RNASE7: variants seen among roughly 807,000 people sequenced by gnomAD.
RNASE7 encodes ribonuclease A family member 7, also known as ribonuclease 7.
For missense variants in RNASE7, 184 were observed against 191.5 expected (o/e 0.96, Z 0.23); for synonymous variants, 80 against 77.5 (o/e 1.03, Z -0.17).
At position 21,043,472 on chromosome 14, in the gene RNASE7, A is replaced by T. The variant is rs1885006591; in HGVS notation, c.*9A>T. 6.4e-7 allele frequency: 1 copy of T among 1,565,078 alleles called. No individual in the cohort carries two copies. Among genetic ancestry groups the T allele is most frequent in the Non-Finnish European group, 8.6e-7 (1 of 1,156,858 alleles). ...TGGACAGAGTCCTTTAGGTTTCCAG[A>T]CTGGCTTGCTCTTTGGCTGACCTTC... On this transcript the variant is annotated 3_prime_UTR_variant, in exon 2 of 2. Transcript: ENST00000298690.
intron 1 of RNASE7, among the ~76,000 whole-genome samples, 167 bp downstream of exon 1, chr14:21,042,609 G>C (rs1287678805): frequency 6.6e-6 from 1 of 151,896 alleles, no homozygotes; most frequent in Non-Finnish European, 1.5e-5. Context: ...TGGGGATGGA[G>C]GCAAAAAATG....
chr14:21,042,961 G>A lies in RNASE7; in HGVS notation c.-32G>A, dbSNP rs1474478301. 2.5e-6 allele frequency: 4 copies of A among 1,586,420 alleles called. No homozygotes were observed. Among genetic ancestry groups the A allele is most frequent in the Admixed American group, 1.7e-5 (1 of 57,918 alleles). On this transcript the variant is annotated 5_prime_UTR_variant, in exon 2 of 2. Transcript: ENST00000298690. Reference sequence around the variant, plus strand: ...GAACACCTCTGTCCCAGCGACCCCTGCCCTCCATCCTGACTGCTCCTCCTA... The same window carrying A: ...GAACACCTCTGTCCCAGCGACCCCTACCCTCCATCCTGACTGCTCCTCCTA...
rs1426720795 is a variant in RNASE7 at position 21,043,225 on chromosome 14, G to A, written c.233G>A (p.Ser78Asn). The change falls in exon 2 of 2, where the codon AGT becomes AAT. Residue 78 changes from serine (S) to asparagine (N), a missense_variant. Physicochemically the swap from Ser to Asn is conservative, Grantham distance 46. Coordinates refer to ENST00000298690, the MANE Select transcript of RNASE7 (RefSeq NM_032572.4). ...LNTFLHEPFS[S>N]VAATCQTPKI... ...ACCTTCCTGCACGAGCCTTTCTCCA[G>A]TGTGGCCGCCACCTGCCAGACCCCC... 2 of 1,614,210 alleles carry A rather than the reference G, an allele frequency of 1.2e-6. No homozygotes were observed. The highest frequency in any genetic ancestry group is 1.1e-5 in the South Asian group (1 of 91,082).
Position 21,043,008 on chromosome 14 carries a change from G to A in RNASE7, c.16G>A (p.Ala6Thr), listed in dbSNP as rs759608792. Residue 6 changes from alanine to threonine, a missense_variant, in exon 2 of 2, where the codon GCA (alanine) becomes ACA (threonine). Physicochemically the swap from Ala to Thr is moderately conservative, Grantham distance 58 (BLOSUM62 0). Transcript: ENST00000298690. MAPAR[A>T]GFCPLLLLLL... ...CCTAAGAGAGATGGCACCGGCCAGAGCAGGATTCTGCCCCCTTCTGCTGCT... is the reference window on the plus strand; with the variant it reads ...CCTAAGAGAGATGGCACCGGCCAGAACAGGATTCTGCCCCCTTCTGCTGCT... 7 of 1,613,722 alleles carry A rather than the reference G, an allele frequency of 4.3e-6. No homozygotes were observed. The highest frequency in any genetic ancestry group is 1.3e-5 in the African/African-American group (1 of 75,030).
In RNASE7 at chr14:21,043,884, A is replaced by G. The variant is rs552582840; in HGVS notation, c.*421A>G. 2 of 186,218 alleles carry G rather than the reference A, an allele frequency of 1.1e-5. No individual in the cohort carries two copies. Among genetic ancestry groups the G allele is most frequent in the South Asian group, 2.8e-4 (2 of 7,096 alleles). The allele number at this position is 186,218 out of a possible 1,614,324, so 11.5% of individuals were successfully genotyped here. A position where few individuals can be genotyped will look rare whatever the true frequency, so the allele number is the denominator to read the frequency against. ...GCAGTGAGGTGACCTGAAGGAAAGA[A>G]AAATATAAATAAATACCACTTCATA... On this transcript the variant is annotated 3_prime_UTR_variant, in exon 2 of 2. Transcript: ENST00000298690.
Position 21,042,979 on chromosome 14 carries a change from T to G in RNASE7, c.-14T>G, listed in dbSNP as rs761880769. The stretch of plus-strand genomic sequence containing the variant: ...GACCCCTGCCCTCCATCCTGACTGC[T>G]CCTCCTAAGAGAGATGGCACCGGCC... On this transcript the variant is annotated 5_prime_UTR_variant, in exon 2 of 2. Coordinates refer to ENST00000298690, the MANE Select transcript of RNASE7 (RefSeq NM_032572.4). 2 of 1,605,062 alleles carry G rather than the reference T, an allele frequency of 1.2e-6. No individual in the cohort carries two copies. The highest frequency in any genetic ancestry group is 2.7e-5 in the African/African-American group (2 of 74,810).
At chr14:21,042,758 G>A (rs1367157583) in intron 1 of RNASE7, among the ~76,000 whole-genome samples, 195 bp from the exon 2 acceptor site, 1 of 152,122 alleles carries the variant, frequency 6.6e-6, no homozygotes, top group Non-Finnish European at 1.5e-5. Flanking sequence ...ACAGAATGAA[G>A]GGAACAGAAA....
Position 21,043,323 on chromosome 14 carries a change from C to G in RNASE7, c.331C>G (p.Leu111Val), listed in dbSNP as rs769219083. ...GGCCGTGTCCCTGACCATGTGTAAGCTCACCTCAGGGAAGCATCCGAACTG... is the reference window on the plus strand; with the variant it reads ...GGCCGTGTCCCTGACCATGTGTAAGGTCACCTCAGGGAAGCATCCGAACTG... ...HGAVSLTMCK[L>V]TSGKHPNCRY... Residue 111 changes from leucine to valine, a missense_variant, in exon 2 of 2, where the codon CTC becomes GTC. Physicochemically the swap from Leu to Val is conservative, Grantham distance 32. Coordinates refer to ENST00000298690, the MANE Select transcript of RNASE7 (RefSeq NM_032572.4). 75 of 1,614,052 alleles carry G rather than the reference C, an allele frequency of 4.6e-5. No homozygotes were observed. Among genetic ancestry groups the G allele is most frequent in the Non-Finnish European group, 6.2e-5 (73 of 1,180,026 alleles).
Position 21,043,148 on chromosome 14 carries a change from C to T in RNASE7, c.156C>T (p.Asn52=), listed in dbSNP as rs903999255. Residue 52 remains asparagine (N), a synonymous_variant, in exon 2 of 2, where the codon AAC becomes AAT. Coordinates refer to ENST00000298690, the MANE Select transcript of RNASE7 (RefSeq NM_032572.4). Reference sequence around the variant, plus strand: ...TGCAGCCCAGCCCTCAAGCATGCAACTCAGCCATGAAAAACATTAACAAGC... The same window carrying T: ...TGCAGCCCAGCCCTCAAGCATGCAATTCAGCCATGAAAAACATTAACAAGC... ...QHMQPSPQAC[N]SAMKNINKHT... 2.5e-6 allele frequency: 4 copies of T among 1,614,086 alleles called. No individual in the cohort carries two copies. Among genetic ancestry groups the T allele is most frequent in the Non-Finnish European group, 3.4e-6 (4 of 1,180,044 alleles).
chr14:21,043,129 C>G lies in RNASE7; in HGVS notation c.137C>G (p.Pro46Arg). ...SQWFKIQHMQ[P>R]SPQACNSAMK... ...TGGTTTAAAATTCAGCACATGCAGC[C>G]CAGCCCTCAAGCATGCAACTCAGCC... Residue 46 changes from proline to arginine, a missense_variant, in exon 2 of 2, where the codon CCC becomes CGC. Physicochemically the swap from Pro to Arg is moderately radical, Grantham distance 103. Coordinates refer to ENST00000298690, the MANE Select transcript of RNASE7 (RefSeq NM_032572.4). 6.2e-7 allele frequency: 1 copy of G among 1,614,150 alleles called. No homozygotes were observed.
chr14:21,043,829 G>T lies in RNASE7; in HGVS notation c.*366G>T, dbSNP rs976692269. The T allele has an allele frequency of 1.9e-5, 4 of 211,388 alleles. No individual in the cohort carries two copies. Among genetic ancestry groups the T allele is most frequent in the Non-Finnish European group, 4.2e-5 (4 of 95,638 alleles). 13.1% of individuals were successfully genotyped at this position (211,388 alleles called of 1,614,324 possible). On this transcript the variant is annotated 3_prime_UTR_variant, in exon 2 of 2. Coordinates refer to ENST00000298690, the MANE Select transcript of RNASE7 (RefSeq NM_032572.4). ...TGTGGACACAGCTGTTTCTGTTCCT[G>T]AACTAGAAGTCTTCCCCAGCTCTGA...
chr14:21,043,095 T>C lies in RNASE7; in HGVS notation c.103T>C (p.Ser35Pro). The change falls in exon 2 of 2, where the codon TCA (serine) becomes CCA (proline). Residue 35 changes from serine (S) to proline (P), a missense_variant. Physicochemically the swap from Ser to Pro is moderately conservative, Grantham distance 74. Transcript: ENST00000298690. ...CAGTGCCAAGCCCAAGGGCATGACCTCATCACAGTGGTTTAAAATTCAGCA... is the reference window on the plus strand; with the variant it reads ...CAGTGCCAAGCCCAAGGGCATGACCCCATCACAGTGGTTTAAAATTCAGCA... ...PVSAKPKGMT[S>P]SQWFKIQHMQ... is the part of the protein sequence containing the mutation. 6.2e-7 allele frequency: 1 copy of C among 1,614,150 alleles called. No homozygotes were observed. Among genetic ancestry groups the C allele is most frequent in the Non-Finnish European group, 8.5e-7 (1 of 1,180,026 alleles).
At position 21,043,045 on chromosome 14, in the gene RNASE7, G is replaced by A. The variant is rs1594496907; in HGVS notation, c.53G>A (p.Gly18Glu). 3 of 1,614,196 alleles carry A rather than the reference G, an allele frequency of 1.9e-6. No individual in the cohort carries two copies. The highest frequency in any genetic ancestry group is 1.7e-6 in the Non-Finnish European group (2 of 1,180,046). Residue 18 changes from glycine (G) to glutamate (E), a missense_variant, in exon 2 of 2, where the codon GGG (glycine) becomes GAG (glutamate). Coordinates refer to ENST00000298690, the MANE Select transcript of RNASE7 (RefSeq NM_032572.4). ...CCCCTTCTGCTGCTTCTGCTGCTGG[G>A]GCTGTGGGTGGCAGAGATCCCAGTC... is the stretch of plus-strand genomic sequence containing the variant. ...FCPLLLLLLLGLWVAEIPVSA... is the reference protein window; with the variant it reads ...FCPLLLLLLLELWVAEIPVSA...
chr14:21,043,020 C>A lies in RNASE7; in HGVS notation c.28C>A (p.Pro10Thr). MAPARAGFC[P>T]LLLLLLLGLW... ...GGCACCGGCCAGAGCAGGATTCTGC[C>A]CCCTTCTGCTGCTTCTGCTGCTGGG... is the stretch of plus-strand genomic sequence containing the variant. The change falls in exon 2 of 2, where the codon CCC (proline) becomes ACC (threonine). Residue 10 changes from proline to threonine, a missense_variant. Transcript: ENST00000298690. 6.2e-7 allele frequency: 1 copy of A among 1,614,018 alleles called. No homozygotes were observed. Among genetic ancestry groups the A allele is most frequent in the Non-Finnish European group, 8.5e-7 (1 of 1,179,968 alleles).
At chr14:21,042,752 A>T (rs1400987297) in intron 1 of RNASE7, among the ~76,000 whole-genome samples, 3 of 152,142 alleles carry the variant, frequency 2.0e-5, no homozygotes, top group Non-Finnish European at 4.4e-5. Flanking sequence ...ACAGGGACAG[A>T]ATGAAGGGAA....
rs751183288 is a variant in RNASE7, at chr14:21,043,859, G to T, written c.*396G>T. The stretch of plus-strand genomic sequence containing the variant: ...AGAAGTCTTCCCCAGCTCTGACGTG[G>T]CAGTGAGGTGACCTGAAGGAAAGAA... On this transcript the variant is annotated 3_prime_UTR_variant, in exon 2 of 2. Transcript: ENST00000298690. 2.0e-5 allele frequency: 4 copies of T among 196,866 alleles called. No individual in the cohort carries two copies. Among genetic ancestry groups the T allele is most frequent in the Non-Finnish European group, 3.5e-5 (3 of 86,098 alleles). 12.2% of individuals were successfully genotyped at this position (196,866 alleles called of 1,614,324 possible).
chr14:21,042,936 G>T lies in RNASE7; in HGVS notation c.-40-17G>T. 6.8e-7 allele frequency: 1 copy of T among 1,480,730 alleles called. No homozygotes were observed. Among genetic ancestry groups the T allele is most frequent in the Non-Finnish European group, 9.2e-7 (1 of 1,092,112 alleles). 91.7% of individuals were successfully genotyped at this position (1,480,730 alleles called of 1,614,324 possible). A position where few individuals can be genotyped will look rare whatever the true frequency, so the allele number is the denominator to read the frequency against. ...GTATAAGAGGACTAATTTCTCAACT[G>T]AACACCTCTGTCCCAGCGACCCCTG... On this transcript the variant is annotated splice_polypyrimidine_tract_variant and intron_variant, in intron 1 of 1. Coordinates refer to ENST00000298690, the MANE Select transcript of RNASE7 (RefSeq NM_032572.4).
At position 21,042,410 on chromosome 14, in the gene RNASE7, G is replaced by A. The variant is rs1566495973; in HGVS notation, c.-73G>A. 6.3e-6 allele frequency: 1 copy of A among 159,566 alleles called. No individual in the cohort carries two copies. Among genetic ancestry groups the A allele is most frequent in the South Asian group, 1.7e-4 (1 of 5,928 alleles). 9.9% of individuals were successfully genotyped at this position (159,566 alleles called of 1,614,324 possible). On this transcript the variant is annotated 5_prime_UTR_variant, in exon 1 of 2. Coordinates refer to ENST00000298690, the MANE Select transcript of RNASE7 (RefSeq NM_032572.4). ...CGTGGACACCACCTCAGCCCACTGA[G>A]CAGGAGTCACAGCACGAAGACCAAG...
rs751463253 is a variant in RNASE7 at position 21,043,499 on chromosome 14, A to G, written c.*36A>G. On this transcript the variant is annotated 3_prime_UTR_variant, in exon 2 of 2. Transcript: ENST00000298690. ...TGGCTTGCTCTTTGGCTGACCTTCA[A>G]TTCCCTCTCCAGGACTCCGCACCAC... The G allele has an allele frequency of 2.8e-6, 4 of 1,431,746 alleles. No homozygotes were observed. The highest frequency in any genetic ancestry group is 3.8e-6 in the Non-Finnish European group (4 of 1,044,736). 88.7% of individuals were successfully genotyped at this position (1,431,746 alleles called of 1,614,324 possible).
Sources: allele counts gnomAD v4.1 joint callset (sites outside exome capture counted in the v4.1 genomes callset), GRCh38; gene constraint gnomAD v4.1.1; transcripts MANE v1.5; gene names NCBI Gene and HGNC (gene_info 2026-07-23, HGNC 2026-07-21).